Variants in XKR6 observed in about 807,000 individuals in gnomAD.
The protein encoded by XKR6 is XK-related protein 6.
Under a neutral mutation model 56.7 loss-of-function variants are expected in XKR6, and 22 were observed. The observed-to-expected ratio is 0.39, with a 90% CI of 0.28 to 0.55. The LOEUF (loss-of-function observed/expected upper bound fraction) is 0.55, where lower values mean the gene tolerates loss of function less well. XKR6 is among the 20% of genes least tolerant of loss of function. The pLI, the probability that XKR6 is intolerant of heterozygous loss-of-function variation, is 0.66. For missense variants in XKR6, 852 were observed against 889.0 expected, an observed-to-expected ratio of 0.96 and a Z score of 0.53; for synonymous variants, 524 against 387.8, an observed-to-expected ratio of 1.35 and a Z score of -4.13.
At chr8:10,921,859 A>G (rs1184570290) in intron 2 of XKR6, among the ~76,000 whole-genome samples, 4 of 152,344 alleles carry the variant, frequency 2.6e-5, no homozygotes, top group African/African-American at 9.6e-5. Context: ...AGAGTCTGCT[A>G]TGGTTTGAAG....
At chr8:11,062,315 G>A (rs1799855902) in intron 1 of XKR6, among the ~76,000 whole-genome samples, 1 of 152,038 alleles carries the variant, frequency 6.6e-6, no homozygotes, top group Non-Finnish European at 1.5e-5. Flanking sequence ...AAAGACCCAG[G>A]GGGCCAACTG....
At chr8:10,980,161 G>C (rs1246265073) in intron 1 of XKR6, among the ~76,000 whole-genome samples, 1 of 152,308 alleles carries the variant, frequency 6.6e-6, no homozygotes, top group African/African-American at 2.4e-5. Flanking sequence ...GTCTGAGCTT[G>C]GTACTAAGGA....
chr8:11,150,460 T>G (rs551092734), intron 1 of XKR6, among the ~76,000 whole-genome samples: 2 of 152,158 alleles, frequency 1.3e-5, no homozygotes, highest in South Asian at 4.1e-4. Flanking sequence ...AAAGTCCCCT[T>G]CCCCCCGGGG....
At chr8:11,145,116 A>G (rs1301970631) in intron 1 of XKR6, among the ~76,000 whole-genome samples, 1 of 152,120 alleles carries the variant, frequency 6.6e-6, no homozygotes, top group East Asian at 1.9e-4. Flanking sequence ...AAATGCTCCA[A>G]AATCCAAAAC....
At chr8:11,180,555 G>A (rs1441814875) in intron 1 of XKR6, among the ~76,000 whole-genome samples, 1 of 152,196 alleles carries the variant, frequency 6.6e-6, no homozygotes, top group Non-Finnish European at 1.5e-5. Context: ...AACAGCATGT[G>A]CAACAGCATG....
intron 1 of XKR6, among the ~76,000 whole-genome samples, chr8:11,142,281 G>C (rs764806557): frequency 3.3e-5 from 5 of 152,160 alleles, no homozygotes; most frequent in Non-Finnish European, 5.9e-5. Flanking sequence ...GCCTGGGCAA[G>C]ATATGTAGAT....
chr8:11,141,671 A>G (rs537355591), intron 1 of XKR6, among the ~76,000 whole-genome samples: 4 of 152,248 alleles, frequency 2.6e-5, no homozygotes, highest in East Asian at 3.9e-4. Flanking sequence ...CTCTCCCCCA[A>G]TATGAGTGAT....
chr8:11,195,334 T>G (rs1803815815), intron 1 of XKR6: 1 of 595,178 alleles, frequency 1.7e-6, no homozygotes, highest in African/African-American at 1.9e-5. Context: ...TTCATTTTTT[T>G]TTCCAAATGG....
chr8:11,035,078 T>C (rs779250012), intron 1 of XKR6: 3 of 420,246 alleles, frequency 7.1e-6, no homozygotes, highest in Non-Finnish European at 1.5e-5. Context: ...TGAGCTTCGG[T>C]TTCCTCATCT....
intron 1 of XKR6, chr8:11,107,838 G>C (rs573690093): frequency 5.0e-5 from 8 of 159,264 alleles, no homozygotes; most frequent in Non-Finnish European, 1.1e-4. Flanking sequence ...TGTTTTACAA[G>C]GTTATTTTAT....
chr8:10,959,002 C>T (rs1801978854), intron 1 of XKR6, among the ~76,000 whole-genome samples: 1 of 152,190 alleles, frequency 6.6e-6, no homozygotes, highest in Non-Finnish European at 1.5e-5. Flanking sequence ...CTTAATCTGC[C>T]CACAGACCGG....
chr8:11,149,121 G>A (rs781274029), intron 1 of XKR6, among the ~76,000 whole-genome samples: 2 of 152,190 alleles, frequency 1.3e-5, no homozygotes, highest in African/African-American at 2.4e-5. Context: ...CCCCTAATGT[G>A]ATGGAATCAG....
rs375693953 is a variant in XKR6, at chr8:11,178,676, AAT to A, written c.764+21898_764+21899del. On this transcript the variant is annotated intron_variant, in intron 1 of 2. Transcript: ENST00000416569. The stretch of plus-strand genomic sequence containing the variant: ...AAATATATATATATACACAGAGATA[AAT>A]ATATATATATATATGTATATCGGGG... Among the ~76,000 whole-genome samples, 237 of 132,848 alleles carry A rather than the reference AAT, an allele frequency of 1.8e-3. 1 individual carries two copies. Among genetic ancestry groups the A allele is most frequent in the South Asian group, 9.0e-3 (42 of 4,660 alleles). The allele number at this position is 132,848 out of a possible 152,430, so 87.2% of individuals were successfully genotyped here.
rs186373345 is a variant in XKR6 at position 11,054,377 on chromosome 8, A to G, written c.765-129547T>C. ...AGGCCTGAAGCCTGACTCAAGGACT[A>G]TGTGCCCTGTACAAGAAATCTGTCC... On this transcript the variant is annotated intron_variant, in intron 1 of 2. Coordinates refer to ENST00000416569, the MANE Select transcript of XKR6 (RefSeq NM_173683.4). Among the ~76,000 whole-genome samples the G allele has an allele frequency of 3.0e-3, 460 of 152,346 alleles. 1 individual carries two copies. Among genetic ancestry groups the G allele is most frequent in the Non-Finnish European group, 4.8e-3 (325 of 68,038 alleles).
intron 1 of XKR6, among the ~76,000 whole-genome samples, chr8:11,097,567 G>T (rs376700068): frequency 6.6e-6 from 1 of 151,856 alleles, no homozygotes. Flanking sequence ...CAGCACTTTG[G>T]GAGGCCGGGG....
At chr8:11,069,686 A>C (rs765033391) in intron 1 of XKR6, among the ~76,000 whole-genome samples, 61 of 150,184 alleles carry the variant, frequency 4.1e-4, no homozygotes, top group Non-Finnish European at 3.4e-4. Context: ...CAGAATAAAG[A>C]GGGAGAGGGG....
At chr8:10,913,927 G>A (rs550341760) in intron 2 of XKR6, among the ~76,000 whole-genome samples, 5 of 152,324 alleles carry the variant, frequency 3.3e-5, no homozygotes, top group African/African-American at 1.2e-4. Context: ...GCAGATAACA[G>A]GTTTCAGAAG....
rs1200752958 is a variant in XKR6 at position 11,120,939 on chromosome 8, G to A, written c.764+79637C>T. Among the ~76,000 whole-genome samples, 4 of 152,300 alleles carry A rather than the reference G, an allele frequency of 2.6e-5. No homozygotes were observed. In the South Asian group the frequency reaches 6.2e-4, roughly 24 times the overall value. On this transcript the variant is annotated intron_variant, in intron 1 of 2. Coordinates refer to ENST00000416569, the MANE Select transcript of XKR6 (RefSeq NM_173683.4). The stretch of plus-strand genomic sequence containing the variant: ...CTGAGAAAAACAAGCAATGGGGAAA[G>A]GATTCCCTATTTAATAAATGGTGCT...
intron 1 of XKR6, among the ~76,000 whole-genome samples, chr8:11,080,517 T>C (rs969212500): frequency 2.0e-5 from 3 of 152,220 alleles, no homozygotes; most frequent in Admixed American, 1.3e-4. Flanking sequence ...AATCAAAACT[T>C]TGGAGATGTA....
Sources: gnomAD v4.1 joint callset for allele counts (sites outside exome capture counted in the v4.1 genomes callset) on GRCh38, gnomAD v4.1.1 for gene constraint, MANE v1.5 for transcripts, NCBI Gene and HGNC (gene_info 2026-07-23, HGNC 2026-07-21) for gene names.